The following PRKN variants were observed in gnomAD, a reference collection of about 807,000 sequenced individuals.
PRKN encodes parkin RBR E3 ubiquitin protein ligase.
A neutral mutation model predicts 59.5 loss-of-function variants in PRKN; 56 were observed. The ratio of observed to expected loss-of-function variants is 0.94; its 90% confidence interval spans 0.76 to 1.18. The LOEUF is 1.18. Ranked by LOEUF, PRKN falls within the 50% of genes most tolerant of loss-of-function variation. PRKN has a pLI of 0.00. For missense variants in PRKN, 657 were observed against 596.4 expected (o/e 1.10, Z -1.06); for synonymous variants, 250 against 222.1 (o/e 1.13, Z -1.12).
chr6:162,346,175 A>G (rs1443776004), intron 2 of PRKN, among the ~76,000 whole-genome samples: 1 of 152,204 alleles, frequency 6.6e-6, no homozygotes. Flanking sequence ...AACAAAGACA[A>G]TAACTTTTGT....
intron 1 of PRKN, chr6:162,569,701 C>A: frequency 1.7e-6 from 1 of 599,544 alleles, no homozygotes; most frequent in South Asian, 1.6e-5. Context: ...AGCTGGTATC[C>A]GAGTCCTCTG....
intron 1 of PRKN, among the ~76,000 whole-genome samples, chr6:162,697,538 G>C (rs1778013106): frequency 1.3e-5 from 2 of 152,152 alleles, no homozygotes; most frequent in African/African-American, 4.8e-5. Context: ...GGTTCCACCA[G>C]ATATAGGCAT....
chr6:161,897,747 T>C (rs9365342), intron 6 of PRKN, among the ~76,000 whole-genome samples: 4,417 of 151,096 alleles, frequency 0.029, 218 homozygotes, highest in African/African-American at 0.1. Flanking sequence ...TTTGGGAGGC[T>C]GAGGCGGGTG....
At chr6:162,186,379 A>C (rs1030961726) in intron 4 of PRKN, among the ~76,000 whole-genome samples, 1 of 151,818 alleles carries the variant, frequency 6.6e-6, no homozygotes, top group Admixed American at 6.6e-5. Flanking sequence ...TTTCTTCCAA[A>C]CATGGGCTAT....
At chr6:161,904,323 T>G (rs981195975) in intron 6 of PRKN, among the ~76,000 whole-genome samples, 22 of 140,658 alleles carry the variant, frequency 1.6e-4, no homozygotes, top group Admixed American at 3.5e-4. Context: ...TTTTTTTTTT[T>G]TTTTTTTTTT....
chr6:161,643,461 A>C lies in PRKN; in HGVS notation c.872-74045T>G, dbSNP rs147703886. On this transcript the variant is annotated intron_variant, in intron 7 of 11. Transcript: ENST00000366898. ...AGGAGAACATTTTTTATGCTACTAA[A>C]TTTAGATAACTCAAATTCAATAGTG... 8.2e-3 allele frequency among the ~76,000 whole-genome samples: 1,247 copies of C among 152,346 alleles called. 18 individuals are homozygous for C. The highest frequency in any genetic ancestry group is 0.028 in the African/African-American group (1,171 of 41,564).
At position 162,072,993 on chromosome 6, in the gene PRKN, G is replaced by C. The variant is rs577127625; in HGVS notation, c.535-18819C>G. On this transcript the variant is annotated intron_variant, in intron 4 of 11. Coordinates refer to ENST00000366898, the MANE Select transcript of PRKN (RefSeq NM_004562.3). ...CTAAGTTCAGGATGCAATTTCACTTGAGTATCACCTCATCGATTTAACATC... is the reference window on the plus strand; with the variant it reads ...CTAAGTTCAGGATGCAATTTCACTTCAGTATCACCTCATCGATTTAACATC... Among the ~76,000 whole-genome samples, 18 of 152,280 alleles carry C rather than the reference G, an allele frequency of 1.2e-4. No homozygotes were observed. In the South Asian group the frequency reaches 3.7e-3, roughly 32 times the overall value.
chr6:162,030,821 G>C (rs926183856), intron 5 of PRKN, among the ~76,000 whole-genome samples: 1 of 152,104 alleles, frequency 6.6e-6, no homozygotes, highest in African/African-American at 2.4e-5. Flanking sequence ...CACCCTCCTG[G>C]AGAATTAACG....
intron 1 of PRKN, among the ~76,000 whole-genome samples, chr6:162,601,002 CA>C (rs1781686527): frequency 2.0e-5 from 3 of 152,098 alleles, no homozygotes; most frequent in Non-Finnish European, 2.9e-5. Context: ...TTTCTGTTGC[CA>C]TAACACAATA....
intron 6 of PRKN, among the ~76,000 whole-genome samples, chr6:161,849,408 G>T (rs1174047252): frequency 1.3e-5 from 2 of 152,134 alleles, no homozygotes; most frequent in South Asian, 4.2e-4. Flanking sequence ...TAAACTAATT[G>T]CATCTACTTT....
chr6:162,309,047 A>G (rs1329879944), intron 2 of PRKN, among the ~76,000 whole-genome samples: 2 of 152,190 alleles, frequency 1.3e-5, no homozygotes, highest in East Asian at 3.9e-4. Flanking sequence ...TATGTGTCTC[A>G]GAGACTGGCT....
At chr6:161,597,920 C>T (rs768252412) in intron 7 of PRKN, among the ~76,000 whole-genome samples, 6 of 152,184 alleles carry the variant, frequency 3.9e-5, no homozygotes, top group Non-Finnish European at 7.3e-5. Context: ...CATGTACCTA[C>T]TTAAATGCAT....
chr6:161,709,074 C>T (rs1786633378), intron 7 of PRKN, among the ~76,000 whole-genome samples: 1 of 152,058 alleles, frequency 6.6e-6, no homozygotes, highest in South Asian at 2.1e-4. Flanking sequence ...TTAAATATGA[C>T]TAGTGGATAA....
chr6:162,492,975 A>AAAG (rs1222993179), intron 1 of PRKN, among the ~76,000 whole-genome samples: 6 of 151,428 alleles, frequency 4.0e-5, no homozygotes, highest in Middle Eastern at 3.4e-3. Context: ...AAAAAAAAAA[A>AAAG]AAGAAGCAGA....
At chr6:162,467,286 C>T (rs1484118178) in intron 1 of PRKN, among the ~76,000 whole-genome samples, 2 of 152,174 alleles carry the variant, frequency 1.3e-5, no homozygotes, top group East Asian at 1.9e-4. Flanking sequence ...ATGTCTGGCA[C>T]ATACTAGCTG....
intron 1 of PRKN, among the ~76,000 whole-genome samples, chr6:162,590,745 CTTT>C (rs982170426): frequency 6.6e-6 from 1 of 152,178 alleles, no homozygotes; most frequent in Non-Finnish European, 1.5e-5. Flanking sequence ...CTCTGGAATA[CTTT>C]TTTATTATGA....
At chr6:162,443,241 T>C (rs1790144493) in intron 2 of PRKN, 69 bp downstream of exon 2, 8 of 1,508,098 alleles carry the variant, frequency 5.3e-6, no homozygotes, top group Middle Eastern at 4.7e-4. Context: ...GAATGTCAGA[T>C]TGGCAGCGCA....
chr6:161,821,018 A>C (rs1420577498), intron 6 of PRKN, among the ~76,000 whole-genome samples: 1 of 152,104 alleles, frequency 6.6e-6, no homozygotes, highest in Non-Finnish European at 1.5e-5. Flanking sequence ...ATATACATAC[A>C]CATTTATGCA....
At position 162,280,890 on chromosome 6, in the gene PRKN, C is replaced by CA. The variant is rs562158733; in HGVS notation, c.172-18126dup. Among the ~76,000 whole-genome samples the CA allele has an allele frequency of 1.5e-4, 22 of 151,216 alleles. No homozygotes were observed. The East Asian group carries it at 3.5e-3, about 24-fold the overall frequency. ...GAGACAGAGACATGAAAAACCCTTC[C>CA]AAAAAATCAATGAATGCAGGAGCTG... On this transcript the variant is annotated intron_variant, in intron 2 of 11. Transcript: ENST00000366898.
Sources: allele counts gnomAD v4.1 joint callset (sites outside exome capture counted in the v4.1 genomes callset), GRCh38; gene constraint gnomAD v4.1.1; transcripts MANE v1.5; gene names NCBI Gene and HGNC (gene_info 2026-07-23, HGNC 2026-07-21).